ODF2: variants seen among roughly 807,000 people sequenced by gnomAD.
The protein encoded by ODF2 is outer dense fiber of sperm tails 2, also known as outer dense fiber protein 2.
Under a neutral mutation model 110.2 loss-of-function variants are expected in ODF2, and 47 were observed. That is an observed-to-expected ratio of 0.43 (90% CI 0.34 to 0.54). The LOEUF (loss-of-function observed/expected upper bound fraction) is 0.54, where lower values mean the gene tolerates loss of function less well. Ranked by LOEUF, ODF2 falls within the 20% of genes least tolerant of loss-of-function variation. The pLI, the probability that ODF2 is intolerant of heterozygous loss-of-function variation, is 0.03. For synonymous variants in ODF2, 352 were observed against 397.7 expected (o/e 0.89, Z 1.37); for missense variants, 812 against 1,054.5 (o/e 0.77, Z 3.19).
Position 128,485,476 on chromosome 9 carries a change from T to A in ODF2, c.1400+2T>A. ...GCTGGAAATTATTGTCCTGAATGAG[T>A]ACGTCTTAGAGTAGGAGAGGGAATG... On this transcript the variant is annotated splice_donor_variant, in intron 13 of 20. Transcript: ENST00000604420. LOFTEE classifies it high-confidence loss of function. This position sits in a 1 kb window ranked among gnomAD's most constrained non-coding sequence, Gnocchi z 5.0. 6.6e-7 allele frequency: 1 copy of A among 1,512,850 alleles called. No homozygotes were observed. The highest frequency in any genetic ancestry group is 9.2e-7 in the Non-Finnish European group (1 of 1,089,156). The allele number at this position is 1,512,850 out of a possible 1,614,324, so 93.7% of individuals were successfully genotyped here.
At chr9:128,482,757 C>T in intron 9 of ODF2, 59 bp from the exon 10 acceptor site, 1 of 1,375,226 alleles carries the variant, frequency 7.3e-7, no homozygotes, top group Non-Finnish European at 1.0e-6. Flanking sequence ...CTCTGTCCTC[C>T]CTGGGCCGGG....
At chr9:128,473,089 G>A (rs1318861090) in intron 7 of ODF2, 47 bp downstream of exon 7, 2 of 1,611,214 alleles carry the variant, frequency 1.2e-6, no homozygotes, top group East Asian at 2.2e-5. Context: ...GGCCTCGGGA[G>A]GGGGCAGCTG....
At chr9:128,458,374 A>G (rs1835493328) in intron 2 of ODF2, among the ~76,000 whole-genome samples, 1 of 150,620 alleles carries the variant, frequency 6.6e-6, no homozygotes, top group African/African-American at 2.4e-5. Flanking sequence ...GAATTGGAGA[A>G]TTGCTTGAAG....
At chr9:128,461,097 C>G in intron 4 of ODF2, 30 bp downstream of exon 4, 1 of 1,607,752 alleles carries the variant, frequency 6.2e-7, no homozygotes, top group South Asian at 1.1e-5. Context: ...GGCTTTTCTT[C>G]TCGGACTGCT....
At chr9:128,455,446 C>T (rs1478626393), upstream of ODF2, 3 of 335,184 alleles carry the variant, frequency 9.0e-6, no homozygotes, top group Admixed American at 4.5e-5. Context: ...CCCAGTTACT[C>T]GGGAGGCTCA....
Position 128,494,909 on chromosome 9 carries a change from T to A in ODF2, c.1911+241T>A. On this transcript the variant is annotated intron_variant, in intron 17 of 20. Coordinates refer to ENST00000604420, the Ensembl canonical transcript of ODF2. The surrounding 1 kb of genome is among the most constrained non-coding windows in gnomAD (Gnocchi z 4.6). ...GCGTGGAGTCACTGGGCCCTCCTGC[T>A]GTTGCCCCCACCCAAGACTGCTGCC... The A allele has an allele frequency of 3.0e-6, 4 of 1,339,002 alleles. No homozygotes were observed. The highest frequency in any genetic ancestry group is 4.0e-6 in the Non-Finnish European group (4 of 1,008,686). 82.9% of individuals were successfully genotyped at this position (1,339,002 alleles called of 1,614,324 possible). A position where few individuals can be genotyped will look rare whatever the true frequency, so the allele number is the denominator to read the frequency against.
chr9:128,455,437 C>T (rs960546195), upstream of ODF2: 1 of 359,006 alleles, frequency 2.8e-6, no homozygotes, highest in African/African-American at 2.1e-5. Context: ...GCCAGTAGTC[C>T]CAGTTACTCG....
At chr9:128,500,240 A>G (rs766256121) in exon 21 of ODF2, 3 of 1,614,068 alleles carry the variant, frequency 1.9e-6, no homozygotes, top group Non-Finnish European at 2.5e-6. Context: ...TCCGCTCCCG[A>G]TCTCCTCCTG....
At chr9:128,490,688 A>G (rs945022819) in intron 14 of ODF2, among the ~76,000 whole-genome samples, 3 of 152,136 alleles carry the variant, frequency 2.0e-5, no homozygotes, top group Non-Finnish European at 4.4e-5. Context: ...ATGAACATAT[A>G]TTTTTCTAGA....
chr9:128,492,558 G>A, intron 15 of ODF2, 22 bp downstream of exon 15: 1 of 1,575,246 alleles, frequency 6.3e-7, no homozygotes, highest in African/African-American at 1.3e-5. Context: ...TGGGGCCCTG[G>A]CCCTTCTGAG....
intron 14 of ODF2, among the ~76,000 whole-genome samples, chr9:128,488,273 A>G (rs184391843): frequency 6.6e-6 from 1 of 152,140 alleles, no homozygotes; most frequent in Admixed American, 6.5e-5. Flanking sequence ...AAACATACAA[A>G]AAGTAGCCAG....
intron 4 of ODF2, among the ~76,000 whole-genome samples, chr9:128,464,154 G>T (rs1453678252): frequency 1.6e-5 from 2 of 125,942 alleles, no homozygotes; most frequent in African/African-American, 3.1e-5. Context: ...AGCCAAAAAT[G>T]CCTTTTTTTT....
intron 14 of ODF2, 58 bp from the exon 15 acceptor site, chr9:128,492,368 A>G (rs1227516720): frequency 2.7e-6 from 3 of 1,127,854 alleles, no homozygotes; most frequent in Non-Finnish European, 4.1e-6. Context: ...AGTTGAGGGT[A>G]GGAGGTCCAC....
chr9:128,469,906 C>T (rs1283587347), intron 5 of ODF2, among the ~76,000 whole-genome samples: 4 of 133,668 alleles, frequency 3.0e-5, no homozygotes, highest in Admixed American at 8.0e-5. Context: ...ATTGCTTGAA[C>T]CCAGGAGCCA....
chr9:128,473,539 CTT>C lies in ODF2; in HGVS notation c.712-70_712-69del, dbSNP rs965173113. On this transcript the variant is annotated intron_variant, in intron 7 of 20. Coordinates refer to ENST00000604420, the Ensembl canonical transcript of ODF2. ...GTCTGGGCTTTCTGGCACCAGACCT[CTT>C]GAGTGCCCATGGGGCCTGCTTCTTC... is the stretch of plus-strand genomic sequence containing the variant. 4.4e-6 allele frequency: 7 copies of C among 1,590,420 alleles called. No individual in the cohort carries two copies. In the African/African-American group the frequency reaches 8.1e-5, roughly 18 times the overall value.
chr9:128,457,691 A>G (rs1209635240), intron 2 of ODF2, among the ~76,000 whole-genome samples: 7 of 152,174 alleles, frequency 4.6e-5, no homozygotes. Flanking sequence ...TGTTGTCTTT[A>G]TATAATAGAG....
intron 16 of ODF2, among the ~76,000 whole-genome samples, chr9:128,493,551 A>G (rs1266027814): frequency 1.3e-5 from 2 of 152,148 alleles, no homozygotes; most frequent in Non-Finnish European, 2.9e-5. Flanking sequence ...AAAGAGCCTT[A>G]TTCTTCTACA....
intron 4 of ODF2, among the ~76,000 whole-genome samples, chr9:128,466,676 TA>T (rs1838005990): frequency 6.7e-6 from 1 of 148,548 alleles, no homozygotes. Context: ...TTTGTCATTT[TA>T]AAAAATATAT....
intron 13 of ODF2, among the ~76,000 whole-genome samples, chr9:128,487,422 G>A (rs1843584430): frequency 6.6e-6 from 1 of 152,126 alleles, no homozygotes; most frequent in East Asian, 1.9e-4. Flanking sequence ...GGAGATTGGG[G>A]AGCAGGCAGG....
Sources: allele counts gnomAD v4.1 joint callset (sites outside exome capture counted in the v4.1 genomes callset), GRCh38; gene constraint gnomAD v4.1.1; non-coding constraint Gnocchi (gnomAD v3.1); transcripts MANE v1.5; gene names NCBI Gene and HGNC (gene_info 2026-07-23, HGNC 2026-07-21).